Variants in BLTP2 observed in about 807,000 individuals in gnomAD.
BLTP2 encodes bridge-like lipid transfer protein family member 2.
At chr17:28,631,984 A>G in the BLTP2 span, 1 of 1,606,894 alleles carries the variant, frequency 6.2e-7, no homozygotes, top group South Asian at 1.1e-5. Context: ...GGGACTCAAT[A>G]TGAGAAACAA....
the BLTP2 span, chr17:28,633,784 C>G: frequency 1.2e-6 from 2 of 1,604,872 alleles, no homozygotes; most frequent in East Asian, 2.2e-5. Context: ...ATAACTTGTT[C>G]ACAACATTAC....
the BLTP2 span, chr17:28,635,103 A>C: frequency 1.9e-6 from 3 of 1,612,894 alleles, no homozygotes; most frequent in Non-Finnish European, 2.5e-6. Context: ...ACTGATAAGG[A>C]AACTCCACCG....
chr17:28,632,124 G>A, the BLTP2 span: 3 of 1,614,216 alleles, frequency 1.9e-6, no homozygotes, highest in Non-Finnish European at 2.5e-6. Flanking sequence ...TGGGTTTCAG[G>A]TTATTGAAGA....
chr17:28,618,638 TATG>T, the BLTP2 span: 3 of 588,240 alleles, frequency 5.1e-6, no homozygotes, highest in African/African-American at 5.5e-5. Context: ...TGCTCATTAA[TATG>T]ATTAATGAGC....
chr17:28,618,740 G>C, the BLTP2 span: 1 of 1,480,924 alleles, frequency 6.8e-7, no homozygotes, highest in Non-Finnish European at 9.3e-7. Flanking sequence ...CCTAAGCTAG[G>C]TCAATGTCTC....
At chr17:28,628,257 G>A in the BLTP2 span, 15 of 1,612,496 alleles carry the variant, frequency 9.3e-6, no homozygotes, top group South Asian at 3.3e-5. Flanking sequence ...TCATCTCCCC[G>A]AGCTTACCTC....
the BLTP2 span, among the ~76,000 whole-genome samples, chr17:28,626,015 G>T: frequency 6.6e-6 from 1 of 152,050 alleles, no homozygotes; most frequent in Non-Finnish European, 1.5e-5. Context: ...CATCCGCCTC[G>T]GCCTCCCAAA....
At chr17:28,616,541 C>G in the BLTP2 span, 1 of 1,614,132 alleles carries the variant, frequency 6.2e-7, no homozygotes, top group Non-Finnish European at 8.5e-7. The surrounding 1 kb of genome is among the most constrained non-coding windows in gnomAD (Gnocchi z 4.8). Context: ...AGCTGTCATC[C>G]ATCCTCGTTC....
the BLTP2 span, chr17:28,615,660 A>C: frequency 6.2e-7 from 1 of 1,613,834 alleles, no homozygotes; most frequent in South Asian, 1.1e-5. Flanking sequence ...CCCTGGCGGG[A>C]TACCTGGGCA....
At chr17:28,633,924 G>A in the BLTP2 span, 2 of 1,614,076 alleles carry the variant, frequency 1.2e-6, no homozygotes, top group Non-Finnish European at 1.7e-6. Flanking sequence ...TTTGAGTGGG[G>A]GCATGTTCCT....
chr17:28,624,490 G>A, the BLTP2 span: 843 of 1,077,740 alleles, frequency 7.8e-4, no homozygotes, highest in Non-Finnish European at 1.1e-3. Flanking sequence ...TATCTGGCTA[G>A]GTAAGAGCTT....
chr17:28,633,959 A>T, the BLTP2 span: 1 of 1,614,146 alleles, frequency 6.2e-7, no homozygotes, highest in Non-Finnish European at 8.5e-7. Flanking sequence ...TACCCCACGG[A>T]AGCCCCAAGT....
chr17:28,632,168 T>C, the BLTP2 span: 1 of 1,614,130 alleles, frequency 6.2e-7, no homozygotes, highest in Non-Finnish European at 8.5e-7. Flanking sequence ...GTGACACTTG[T>C]CCAAGTTGCC....
the BLTP2 span, chr17:28,639,679 T>C: frequency 6.3e-7 from 1 of 1,593,182 alleles, no homozygotes; most frequent in Admixed American, 1.7e-5. Flanking sequence ...AGGAGAGCAC[T>C]GGAAGGGCAA....
the BLTP2 span, chr17:28,632,164 C>T: frequency 5.2e-4 from 842 of 1,614,124 alleles, 5 homozygotes; most frequent in African/African-American, 5.5e-3. Context: ...CCTTGTGACA[C>T]TTGTCCAAGT....
the BLTP2 span, chr17:28,616,146 A>G: frequency 6.2e-7 from 1 of 1,614,148 alleles, no homozygotes; most frequent in Non-Finnish European, 8.5e-7. This position sits in a 1 kb window ranked among gnomAD's most constrained non-coding sequence, Gnocchi z 4.8. Context: ...TAGATGAAGG[A>G]GTTGTTCATG....
At chr17:28,623,995 C>T in the BLTP2 span, 1 of 1,602,124 alleles carries the variant, frequency 6.2e-7, no homozygotes, top group Admixed American at 1.7e-5. Flanking sequence ...CAGAGTTAAG[C>T]TACCAAGGAC....
chr17:28,623,699 C>T, the BLTP2 span: 1 of 1,387,746 alleles, frequency 7.2e-7, no homozygotes, highest in Non-Finnish European at 1.0e-6. Context: ...AATCTTCCAG[C>T]CATTAGAAAG....
chr17:28,624,240 T>G, the BLTP2 span: 3 of 1,614,040 alleles, frequency 1.9e-6, no homozygotes, highest in Non-Finnish European at 2.5e-6. Context: ...TACCTGACAG[T>G]TGACCAATTC....
Sources: gnomAD v4.1 joint callset for allele counts (sites outside exome capture counted in the v4.1 genomes callset) on GRCh38, gnomAD v4.1.1 for gene constraint, Gnocchi (gnomAD v3.1) non-coding constraint, MANE v1.5 for transcripts, NCBI Gene and HGNC (gene_info 2026-07-23, HGNC 2026-07-21) for gene names.